The following SLC8A3 variants were observed in gnomAD, a reference collection of about 807,000 sequenced individuals.
The protein encoded by SLC8A3 is solute carrier family 8 member A3.
SLC8A3 carries 37 observed loss-of-function variants against 65.4 expected under a neutral mutation model. The observed-to-expected ratio is 0.57, with a 90% CI of 0.44 to 0.74. The LOEUF is 0.74. Among genes scored for constraint, SLC8A3 ranks in the 30% least tolerant of loss-of-function variants. The probability of loss-of-function intolerance (pLI) is 0.00; values close to 1 mark genes in which losing one functional copy is unlikely to be tolerated. For synonymous variants in SLC8A3, 461 were observed against 444.5 expected (o/e 1.04, Z -0.47); for missense variants, 1,112 against 1,172.1 (o/e 0.95, Z 0.75).
intron 1 of SLC8A3, among the ~76,000 whole-genome samples, chr14:70,177,830 A>T (rs2140420138): frequency 6.6e-6 from 1 of 152,312 alleles, no homozygotes; most frequent in East Asian, 1.9e-4. Context: ...TCTTTTGGAT[A>T]GGCAACCTAG....
At chr14:70,070,709 A>G (rs536981725) in intron 2 of SLC8A3, among the ~76,000 whole-genome samples, 1 of 152,282 alleles carries the variant, frequency 6.6e-6, no homozygotes, top group Admixed American at 6.5e-5. Context: ...CATTCCTGGT[A>G]TTAAAAAATA....
intron 2 of SLC8A3, among the ~76,000 whole-genome samples, chr14:70,062,614 T>C (rs1387613523): frequency 2.0e-5 from 3 of 152,180 alleles, no homozygotes; most frequent in Non-Finnish European, 4.4e-5. Flanking sequence ...GATGACAAAA[T>C]TGCTTAAGGA....
intron 2 of SLC8A3, among the ~76,000 whole-genome samples, chr14:70,125,214 T>G (rs755721609): frequency 1.3e-5 from 2 of 152,184 alleles, no homozygotes; most frequent in Non-Finnish European, 2.9e-5. Flanking sequence ...TAAGGGCAAT[T>G]TTGTTACATG....
chr14:70,157,463 T>TAA, intron 2 of SLC8A3, among the ~76,000 whole-genome samples: 1 of 151,448 alleles, frequency 6.6e-6, no homozygotes, highest in East Asian at 1.9e-4. Flanking sequence ...ATGACCAGGT[T>TAA]AAAAAAAAAT....
At chr14:70,055,678 TGTC>T (rs1289284063) in intron 3 of SLC8A3, 1 of 782,504 alleles carries the variant, frequency 1.3e-6, no homozygotes, top group African/African-American at 1.8e-5. Flanking sequence ...TGGGAGAAAT[TGTC>T]AGGTTAACTT....
chr14:70,059,649 G>C (rs539879826), intron 3 of SLC8A3, among the ~76,000 whole-genome samples: 1 of 152,194 alleles, frequency 6.6e-6, no homozygotes, highest in Non-Finnish European at 1.5e-5. Context: ...CTCAGATGCA[G>C]GTCCTGAGGA....
At chr14:70,144,460 T>C (rs1267328365) in intron 2 of SLC8A3, among the ~76,000 whole-genome samples, 2 of 151,152 alleles carry the variant, frequency 1.3e-5, no homozygotes, top group African/African-American at 4.9e-5. Context: ...CAAAACCCCA[T>C]CTCTACTAGA....
At chr14:70,068,193 G>C (rs10142162) in intron 2 of SLC8A3, among the ~76,000 whole-genome samples, 8,064 of 152,256 alleles carry the variant, frequency 0.053, 232 homozygotes, top group Non-Finnish European at 0.065. Context: ...AAAGGGGAAG[G>C]GTTCTCTTTA....
intron 2 of SLC8A3, among the ~76,000 whole-genome samples, chr14:70,123,051 C>T (rs952976290): frequency 1.2e-4 from 15 of 127,694 alleles, no homozygotes; most frequent in East Asian, 2.2e-4. Context: ...CAGCCTGGGG[C>T]GACACAGCAA....
intron 2 of SLC8A3, among the ~76,000 whole-genome samples, chr14:70,065,662 G>A (rs540913080): frequency 2.4e-4 from 36 of 152,302 alleles, no homozygotes; most frequent in African/African-American, 7.0e-4. Flanking sequence ...TCTGGGCAGG[G>A]TTTGTGTTCC....
chr14:70,158,343 T>A (rs1174789999), intron 2 of SLC8A3, among the ~76,000 whole-genome samples: 1 of 152,206 alleles, frequency 6.6e-6, no homozygotes, highest in Non-Finnish European at 1.5e-5. Flanking sequence ...GAAGTGGGGT[T>A]GGTGAAGGTC....
intron 2 of SLC8A3, among the ~76,000 whole-genome samples, chr14:70,164,149 A>C (rs752133334): frequency 6.6e-6 from 1 of 152,194 alleles, no homozygotes. Context: ...ATGGCCCTGC[A>C]AGAGAGATAT....
chr14:70,181,591 T>C (rs1882755997), intron 1 of SLC8A3, among the ~76,000 whole-genome samples: 1 of 151,998 alleles, frequency 6.6e-6, no homozygotes, highest in Non-Finnish European at 1.5e-5. Flanking sequence ...GGCAGAGGCA[T>C]TTGAATTGAA....
At chr14:70,158,203 C>T (rs569136192) in intron 2 of SLC8A3, among the ~76,000 whole-genome samples, 1 of 152,282 alleles carries the variant, frequency 6.6e-6, no homozygotes, top group East Asian at 1.9e-4. Context: ...AGTGTACAAA[C>T]ATGAAGTAGG....
At chr14:70,143,531 A>G (rs1212784580) in intron 2 of SLC8A3, among the ~76,000 whole-genome samples, 2 of 152,110 alleles carry the variant, frequency 1.3e-5, no homozygotes, top group Non-Finnish European at 2.9e-5. Context: ...AATCACCTGG[A>G]GTGCTTAAAC....
rs1390422118 is a variant in SLC8A3, at chr14:70,167,528, C to T, written c.895G>A (p.Gly299Arg). The change falls in exon 2 of 7, where the codon GGG becomes AGG. Residue 299 changes from glycine to arginine, a missense_variant. By Grantham distance (125) the Gly-to-Arg change is moderately radical. Coordinates refer to ENST00000356921, the MANE Select transcript of SLC8A3 (RefSeq NM_182932.3). Reference protein sequence around the residue: ...GKMMNSHFLDGNLVPLEGKEV... With the variant: ...GKMMNSHFLDRNLVPLEGKEV... ...TTCCCTTCCAGGGGCACCAGGTTCCCATCTAGAAAATGGGAATTCATCATT... is the reference window on the plus strand; with the variant it reads ...TTCCCTTCCAGGGGCACCAGGTTCCTATCTAGAAAATGGGAATTCATCATT... 6.2e-7 allele frequency: 1 copy of T among 1,614,032 alleles called. No individual in the cohort carries two copies. Among genetic ancestry groups the T allele is most frequent in the East Asian group, 2.2e-5 (1 of 44,878 alleles).
At chr14:70,074,503 A>G (rs985455231) in intron 2 of SLC8A3, among the ~76,000 whole-genome samples, 1 of 152,248 alleles carries the variant, frequency 6.6e-6, no homozygotes. Context: ...TGGGAGGAAC[A>G]TAGTAGGCAA....
At chr14:70,107,910 G>T (rs1892985548) in intron 2 of SLC8A3, among the ~76,000 whole-genome samples, 1 of 152,110 alleles carries the variant, frequency 6.6e-6, no homozygotes, top group African/African-American at 2.4e-5. Flanking sequence ...TTCAGGTCAG[G>T]TCTGAAAATT....
intron 2 of SLC8A3, among the ~76,000 whole-genome samples, chr14:70,067,974 A>C (rs1167789181): frequency 6.6e-6 from 1 of 152,174 alleles, no homozygotes; most frequent in African/African-American, 2.4e-5. Context: ...CCTTTCCTCC[A>C]AGCTTTCTGC....
Sources: gnomAD v4.1 joint callset for allele counts (sites outside exome capture counted in the v4.1 genomes callset) on GRCh38, gnomAD v4.1.1 for gene constraint, MANE v1.5 for transcripts, NCBI Gene and HGNC (gene_info 2026-07-23, HGNC 2026-07-21) for gene names.